DOCK3: variants seen among roughly 807,000 people sequenced by gnomAD.
DOCK3 encodes dedicator of cytokinesis 3.
Under a neutral mutation model 265.6 loss-of-function variants are expected in DOCK3, and 60 were observed. That is an observed-to-expected ratio of 0.23 (90% CI 0.18 to 0.28). The LOEUF (loss-of-function observed/expected upper bound fraction) is 0.28, where lower values mean the gene tolerates loss of function less well. DOCK3 is among the 10% of genes least tolerant of loss of function. The probability of loss-of-function intolerance (pLI) is 1.00; values close to 1 mark genes in which losing one functional copy is unlikely to be tolerated. For synonymous variants in DOCK3, 881 were observed against 938.0 expected (o/e 0.94, Z 1.11); for missense variants, 1,981 against 2,594.3 (o/e 0.76, Z 5.14).
chr3:51,140,695 A>G (rs753101972), intron 9 of DOCK3, among the ~76,000 whole-genome samples: 1 of 152,178 alleles, frequency 6.6e-6, no homozygotes, highest in Non-Finnish European at 1.5e-5. Flanking sequence ...AAGTGGCAGT[A>G]CCATTTTGCA....
intron 51 of DOCK3, chr3:51,379,427 G>A (rs918938088): frequency 1.0e-6 from 1 of 985,330 alleles, no homozygotes; most frequent in African/African-American, 1.7e-5. Flanking sequence ...CTCCCTTCAT[G>A]CCATCTGTTT....
At chr3:51,376,088 A>C (rs2110556352) in intron 51 of DOCK3, among the ~76,000 whole-genome samples, 1 of 152,072 alleles carries the variant, frequency 6.6e-6, no homozygotes, top group South Asian at 2.1e-4. Flanking sequence ...CCCTGAGCCC[A>C]CCTTTATGGA....
chr3:50,760,084 A>T (rs1301992752), intron 1 of DOCK3, among the ~76,000 whole-genome samples: 1 of 151,076 alleles, frequency 6.6e-6, no homozygotes, highest in African/African-American at 2.4e-5. Flanking sequence ...ACCCAGTGTC[A>T]TGAAGCTTTT....
chr3:51,306,945 T>C (rs2082720079), intron 27 of DOCK3, among the ~76,000 whole-genome samples: 1 of 152,208 alleles, frequency 6.6e-6, no homozygotes, highest in African/African-American at 2.4e-5. Flanking sequence ...GGCCATACTT[T>C]CCTATTTTTT....
intron 2 of DOCK3, among the ~76,000 whole-genome samples, chr3:50,796,331 A>AT (rs917183378): frequency 5.6e-4 from 80 of 143,936 alleles, no homozygotes; most frequent in South Asian, 4.9e-3. Flanking sequence ...ATGCCCAGCC[A>AT]TTTTTTTTTT....
intron 2 of DOCK3, among the ~76,000 whole-genome samples, chr3:50,832,664 T>C (rs1304620261): frequency 6.6e-6 from 1 of 152,176 alleles, no homozygotes; most frequent in Non-Finnish European, 1.5e-5. Context: ...CTATTCAAGA[T>C]GGAGTTGCTT....
At chr3:50,724,631 T>C (rs1352925968) in intron 1 of DOCK3, among the ~76,000 whole-genome samples, 1 of 145,156 alleles carries the variant, frequency 6.9e-6, no homozygotes, top group African/African-American at 2.6e-5. Context: ...CAGGTGGGAA[T>C]GGAACAATAA....
chr3:50,896,107 C>A (rs2048882138), intron 4 of DOCK3, among the ~76,000 whole-genome samples: 1 of 152,184 alleles, frequency 6.6e-6, no homozygotes, highest in African/African-American at 2.4e-5. Context: ...CTGTCTTCCA[C>A]AATGGTTGAA....
chr3:51,071,797 G>C (rs530670286), intron 6 of DOCK3, among the ~76,000 whole-genome samples: 1 of 152,094 alleles, frequency 6.6e-6, no homozygotes. Flanking sequence ...ACTATTCTTC[G>C]AGTAAACCAT....
At chr3:51,152,818 C>T (rs2085668096) in intron 10 of DOCK3, among the ~76,000 whole-genome samples, 1 of 152,184 alleles carries the variant, frequency 6.6e-6, no homozygotes, top group Non-Finnish European at 1.5e-5. Context: ...CTGAGTATCA[C>T]CAGCGGAGGC....
chr3:51,312,611 C>T (rs777362520), intron 30 of DOCK3, 35 bp downstream of exon 30: 4 of 1,534,150 alleles, frequency 2.6e-6, no homozygotes, highest in Admixed American at 2.1e-5. Context: ...CTCCTTACCA[C>T]TTGGCCAAAT....
At chr3:50,766,167 CA>C (rs2040859034) in intron 1 of DOCK3, among the ~76,000 whole-genome samples, 1 of 151,960 alleles carries the variant, frequency 6.6e-6, no homozygotes, top group Non-Finnish European at 1.5e-5. Flanking sequence ...TACATGTGCA[CA>C]ACGTGTAGGT....
intron 27 of DOCK3, among the ~76,000 whole-genome samples, chr3:51,285,136 A>T (rs1264475856): frequency 1.3e-5 from 2 of 152,154 alleles, no homozygotes; most frequent in African/African-American, 4.8e-5. Flanking sequence ...CCCAAAACAG[A>T]GACAGCAGTC....
intron 1 of DOCK3, among the ~76,000 whole-genome samples, chr3:50,704,184 G>A (rs993250049): frequency 6.6e-6 from 1 of 152,124 alleles, no homozygotes; most frequent in Non-Finnish European, 1.5e-5. Flanking sequence ...GAGGCTTTAT[G>A]GCCTAACGTA....
chr3:51,219,462 C>G (rs1200600615), intron 14 of DOCK3, among the ~76,000 whole-genome samples: 1 of 152,102 alleles, frequency 6.6e-6, no homozygotes, highest in Non-Finnish European at 1.5e-5. Flanking sequence ...AGCTACCAGC[C>G]CATCCTATAA....
At chr3:50,975,844 T>C (rs1300897193) in intron 5 of DOCK3, among the ~76,000 whole-genome samples, 1 of 151,254 alleles carries the variant, frequency 6.6e-6, no homozygotes, top group African/African-American at 2.4e-5. Flanking sequence ...TATTCAGAGA[T>C]TCAACTTCTT....
intron 51 of DOCK3, 53 bp downstream of exon 51, chr3:51,375,888 T>C: frequency 6.3e-7 from 1 of 1,592,356 alleles, no homozygotes; most frequent in Non-Finnish European, 8.6e-7. Flanking sequence ...CCTGAGTGTC[T>C]GACTCTTGTC....
intron 2 of DOCK3, among the ~76,000 whole-genome samples, chr3:50,838,046 T>G (rs907609013): frequency 2.0e-5 from 3 of 152,184 alleles, no homozygotes; most frequent in African/African-American, 7.2e-5. Context: ...AAACTTTTCT[T>G]TTGGAATTTG....
chr3:51,287,184 A>G (rs2081454246), intron 27 of DOCK3, among the ~76,000 whole-genome samples: 1 of 152,224 alleles, frequency 6.6e-6, no homozygotes, highest in Admixed American at 6.5e-5. Context: ...GAGGACATAC[A>G]GCAAACAAGC....
Sources: gnomAD v4.1 joint callset for allele counts (sites outside exome capture counted in the v4.1 genomes callset) on GRCh38, gnomAD v4.1.1 for gene constraint, MANE v1.5 for transcripts, NCBI Gene and HGNC (gene_info 2026-07-23, HGNC 2026-07-21) for gene names.